The following QTMAN variants were observed in gnomAD, a reference collection of about 807,000 sequenced individuals.
QTMAN encodes the protein queuosine-tRNA mannosyltransferase, also known as tRNA-queuosine alpha-mannosyltransferase.
At chr2:144,234,474 G>C in the QTMAN span, among the ~76,000 whole-genome samples, 2 of 152,104 alleles carry the variant, frequency 1.3e-5, no homozygotes, top group Admixed American at 1.3e-4. Flanking sequence ...AACTGTGTCA[G>C]CTCAGATCCC....
At chr2:143,970,796 A>G in the QTMAN span, 6 of 1,132,992 alleles carry the variant, frequency 5.3e-6, no homozygotes, top group South Asian at 6.2e-5. Flanking sequence ...AACTTGTGTT[A>G]CCTTAGGGCA....
chr2:144,176,355 A>C, the QTMAN span, among the ~76,000 whole-genome samples: 3 of 152,254 alleles, frequency 2.0e-5, no homozygotes, highest in Middle Eastern at 3.4e-3. Flanking sequence ...ATGAAGATGA[A>C]CTTTTTTTAC....
the QTMAN span, chr2:144,128,326 G>T: frequency 2.6e-5 from 4 of 151,926 alleles, no homozygotes; most frequent in African/African-American, 9.7e-5. Context: ...GTGTTTACTG[G>T]AAGAACAAAA....
the QTMAN span, among the ~76,000 whole-genome samples, chr2:144,091,201 TA>T: frequency 1.3e-5 from 2 of 151,980 alleles, no homozygotes; most frequent in African/African-American, 4.8e-5. Flanking sequence ...CCACCATATA[TA>T]AAAATGAATT....
chr2:144,319,574 T>TA, the QTMAN span: 2 of 152,000 alleles, frequency 1.3e-5, no homozygotes, highest in Non-Finnish European at 2.9e-5. Context: ...TATATATATA[T>TA]TTTTAGTCCT....
chr2:144,185,227 G>C, the QTMAN span, among the ~76,000 whole-genome samples: 1 of 152,116 alleles, frequency 6.6e-6, no homozygotes, highest in South Asian at 2.1e-4. Flanking sequence ...CATTTTAAAA[G>C]ACAAGAAAAC....
the QTMAN span, among the ~76,000 whole-genome samples, chr2:144,264,173 T>C: frequency 7.2e-5 from 11 of 152,150 alleles, no homozygotes; most frequent in Non-Finnish European, 4.4e-5. Context: ...GCGGATAAAT[T>C]ATATGATCTC....
the QTMAN span, among the ~76,000 whole-genome samples, chr2:144,126,285 T>TA: frequency 4.8e-4 from 70 of 144,582 alleles, no homozygotes; most frequent in East Asian, 1.8e-3. Context: ...CTTGTGAACT[T>TA]AAAAAAAAAA....
chr2:144,219,285 C>T, the QTMAN span, among the ~76,000 whole-genome samples: 132 of 152,224 alleles, frequency 8.7e-4, no homozygotes, highest in African/African-American at 3.0e-3. Context: ...CACGCACCAC[C>T]ATGCTTGGCT....
At chr2:144,280,476 G>GT in the QTMAN span, among the ~76,000 whole-genome samples, 16 of 152,150 alleles carry the variant, frequency 1.1e-4, no homozygotes, top group Non-Finnish European at 1.3e-4. Flanking sequence ...GATTTTGGGG[G>GT]TTTTTTTGTT....
At chr2:144,109,561 T>C in the QTMAN span, among the ~76,000 whole-genome samples, 1 of 152,018 alleles carries the variant, frequency 6.6e-6, no homozygotes, top group African/African-American at 2.4e-5. Flanking sequence ...CTAATTAAAC[T>C]AAAGAGCTTC....
At chr2:143,961,006 T>A in the QTMAN span, among the ~76,000 whole-genome samples, 1 of 152,118 alleles carries the variant, frequency 6.6e-6, no homozygotes, top group Non-Finnish European at 1.5e-5. Context: ...TGACTTTATT[T>A]TACAGATGAG....
chr2:144,092,870 GGTGTGTGTGT>G, the QTMAN span, among the ~76,000 whole-genome samples: 30 of 140,726 alleles, frequency 2.1e-4, no homozygotes, highest in Non-Finnish European at 3.3e-4. Flanking sequence ...AAACTTTTGG[GGTGTGTGTGT>G]GTGTGTGTGT....
the QTMAN span, among the ~76,000 whole-genome samples, chr2:144,083,541 AT>A: frequency 1.3e-5 from 2 of 152,230 alleles, no homozygotes; most frequent in East Asian, 3.8e-4. Flanking sequence ...TTGTTATGCA[AT>A]AGAACAAAGC....
At chr2:144,156,162 GA>G in the QTMAN span, among the ~76,000 whole-genome samples, 1 of 152,036 alleles carries the variant, frequency 6.6e-6, no homozygotes, top group Non-Finnish European at 1.5e-5. Flanking sequence ...GCTTCTCATA[GA>G]AATTATGTCT....
the QTMAN span, chr2:143,957,088 C>A: frequency 3.4e-6 from 3 of 890,290 alleles, no homozygotes; most frequent in African/African-American, 3.4e-5. Context: ...CAATTGAATT[C>A]CTTTTGATCA....
chr2:144,234,553 G>A, the QTMAN span, among the ~76,000 whole-genome samples: 1 of 152,094 alleles, frequency 6.6e-6, no homozygotes, highest in Non-Finnish European at 1.5e-5. Context: ...CCAATCAGAA[G>A]GGAAAAAAGT....
the QTMAN span, among the ~76,000 whole-genome samples, chr2:144,079,272 C>T: frequency 1.3e-5 from 2 of 152,096 alleles, no homozygotes; most frequent in Non-Finnish European, 2.9e-5. Flanking sequence ...GCAATAAAAA[C>T]AGCCACAATG....
chr2:144,059,336 T>C, the QTMAN span, among the ~76,000 whole-genome samples: 3 of 152,162 alleles, frequency 2.0e-5, no homozygotes. Context: ...CTGTGAAGAT[T>C]TAGGCTCTCT....
Sources: gnomAD v4.1 joint callset for allele counts (sites outside exome capture counted in the v4.1 genomes callset) on GRCh38, gnomAD v4.1.1 for gene constraint, MANE v1.5 for transcripts, NCBI Gene and HGNC (gene_info 2026-07-23, HGNC 2026-07-21) for gene names.